The following SLC66A3 variants were observed in gnomAD, a reference collection of about 807,000 sequenced individuals.
SLC66A3 encodes the protein PQ loop repeat containing 3.
SLC66A3 carries 23 observed loss-of-function variants against 25.5 expected under a neutral mutation model. The ratio of observed to expected loss-of-function variants is 0.90; its 90% CI spans 0.65 to 1.28. The LOEUF (loss-of-function observed/expected upper bound fraction) is 1.28, where lower values mean the gene tolerates loss of function less well. Ranked by LOEUF, SLC66A3 falls within the 50% of genes most tolerant of loss-of-function variation. The pLI is 0.00. For synonymous variants in SLC66A3, 108 were observed against 112.6 expected (o/e 0.96, Z 0.26); for missense variants, 246 against 262.1 (o/e 0.94, Z 0.42).
intron 4 of SLC66A3, among the ~76,000 whole-genome samples, chr2:11,164,951 A>G (rs866340010): frequency 1.3e-5 from 2 of 152,250 alleles, no homozygotes; most frequent in Non-Finnish European, 1.5e-5. Context: ...ACACAGACAC[A>G]GCAACAATCT....
chr2:11,155,489 C>T lies in SLC66A3; in HGVS notation c.-58C>T. On this transcript the variant is annotated 5_prime_UTR_variant, in exon 1 of 7. Coordinates refer to ENST00000295083, the MANE Select transcript of SLC66A3 (RefSeq NM_152391.5). The stretch of plus-strand genomic sequence containing the variant: ...GGAAGGCTTCGGCAGAGCTGCGCCG[C>T]CGAGGCTGAGCGGTCCCTTCTCGCT... The T allele has an allele frequency of 7.0e-7, 1 of 1,427,956 alleles. No homozygotes were observed. Among genetic ancestry groups the T allele is most frequent in the Non-Finnish European group, 9.1e-7 (1 of 1,099,376 alleles). The allele number at this position is 1,427,956 out of a possible 1,614,324, so 88.5% of individuals were successfully genotyped here.
chr2:11,167,696 G>T lies in SLC66A3; in HGVS notation c.354+3435G>T, dbSNP rs184018350. Among the ~76,000 whole-genome samples the T allele has an allele frequency of 6.8e-3, 1,036 of 152,258 alleles. 4 individuals are homozygous for T. Among genetic ancestry groups the T allele is most frequent in the Non-Finnish European group, 0.011 (719 of 68,032 alleles). ...CTCACGCACCTGCTCTGAGGTACCA[G>T]GGTCCGGGGCACAAGGTGGCCCAGA... On this transcript the variant is annotated intron_variant, in intron 4 of 6. Transcript: ENST00000295083.
chr2:11,164,615 G>C lies in SLC66A3; in HGVS notation c.354+354G>C, dbSNP rs538942322. 7.9e-5 allele frequency among the ~76,000 whole-genome samples: 12 copies of C among 151,072 alleles called. No homozygotes were observed. The South Asian group carries it at 2.5e-3, about 32-fold the overall frequency. ...GATTTGGCAGGGTCACAGGACAATA[G>C]TGGAGGGAAGGTCAGCAGATAAACA... On this transcript the variant is annotated intron_variant, in intron 4 of 6. Transcript: ENST00000295083.
chr2:11,163,541 C>T lies in SLC66A3; in HGVS notation c.297-663C>T, dbSNP rs1662198321. Among the ~76,000 whole-genome samples the T allele has an allele frequency of 4.6e-5, 7 of 152,300 alleles. No individual in the cohort carries two copies. In the South Asian group the frequency reaches 1.5e-3, roughly 32 times the overall value. ...CAGTCTCTTGAGTCGGTGCTACGTG[C>T]TTGTAGGCATTTTACAGATAAGCAA... On this transcript the variant is annotated intron_variant, in intron 3 of 6. Coordinates refer to ENST00000295083, the MANE Select transcript of SLC66A3 (RefSeq NM_152391.5).
intron 6 of SLC66A3, 150 bp downstream of exon 6, chr2:11,175,159 G>GTC (rs1041914249): frequency 5.1e-6 from 3 of 586,692 alleles, no homozygotes; most frequent in Non-Finnish European, 8.9e-6. Context: ...AGTCTTATTG[G>GTC]TCACCATTTT....
intron 4 of SLC66A3, among the ~76,000 whole-genome samples, chr2:11,168,274 CTCTG>C (rs1234324296): frequency 1.1e-4 from 16 of 150,394 alleles, no homozygotes; most frequent in Admixed American, 9.3e-4. Flanking sequence ...GACAGCAAGA[CTCTG>C]TCTGAAAAAA....
At position 11,164,345 on chromosome 2, in the gene SLC66A3, A is replaced by ATATAT; in HGVS notation, c.354+85_354+86insATATT. On this transcript the variant is annotated intron_variant, in intron 4 of 6. Transcript: ENST00000295083. ...TAGATATTTATATATATATATATAT[A>ATATAT]TTTTTTTTTTTTTGAAATGGAGTTT... 188 of 92,776 alleles carry ATATAT rather than the reference A, an allele frequency of 2.0e-3. 4 individuals carry two copies. Among genetic ancestry groups the ATATAT allele is most frequent in the Middle Eastern group, 0.015 (3 of 200 alleles). 5.7% of individuals were successfully genotyped at this position (92,776 alleles called of 1,614,324 possible).
rs772295244 is a variant in SLC66A3, at chr2:11,160,510, C to T, written c.188C>T (p.Pro63Leu). ...TACCAGTGTTACTATGGGTATCCGC[C>T]GCTGACCTACCTGGAGTACCCCATC... is the stretch of plus-strand genomic sequence containing the variant. ...LRYQCYYGYP[P>L]LTYLEYPILI... The change falls in exon 2 of 7, where the codon CCG becomes CTG. Residue 63 changes from proline to leucine, a missense_variant. Pro to Leu is a moderately conservative substitution (Grantham distance 98). Coordinates refer to ENST00000295083, the MANE Select transcript of SLC66A3 (RefSeq NM_152391.5). The T allele has an allele frequency of 7.4e-6, 12 of 1,614,020 alleles. No individual in the cohort carries two copies. Among genetic ancestry groups the T allele is most frequent in the South Asian group, 2.2e-5 (2 of 91,082 alleles).
Position 11,172,011 on chromosome 2 carries a change from G to A in SLC66A3, c.441G>A (p.Ala147=), listed in dbSNP as rs1449358491. The change falls in exon 5 of 7, where the codon GCG becomes GCA. Residue 147 remains alanine (A), a synonymous_variant. Transcript: ENST00000295083. ...WKTRDSGTVS[A]LTWSLSSYTC... is the part of the protein sequence containing the mutation. ...CGAGAGACTCAGGAACTGTGAGTGCGCTGACTTGGAGCCTCTCTTCCTATA... is the reference window on the plus strand; with the variant it reads ...CGAGAGACTCAGGAACTGTGAGTGCACTGACTTGGAGCCTCTCTTCCTATA... 43 of 1,613,878 alleles carry A rather than the reference G, an allele frequency of 2.7e-5. No individual in the cohort carries two copies. The highest frequency in any genetic ancestry group is 2.9e-5 in the Non-Finnish European group (34 of 1,179,920).
rs74936074 is a variant in SLC66A3, at chr2:11,158,894, G to A, written c.144-1572G>A. Among the ~76,000 whole-genome samples the A allele has an allele frequency of 2.2e-3, 332 of 152,324 alleles. 3 individuals are homozygous for A. The highest frequency in any genetic ancestry group is 7.7e-3 in the African/African-American group (320 of 41,572). On this transcript the variant is annotated intron_variant, in intron 1 of 6. Transcript: ENST00000295083. ...CCTCCCCAGGCTGCAGGGATGGGGG[G>A]AGTTTGAATCCCAGGGAAAGCAGGG... is the stretch of plus-strand genomic sequence containing the variant.
intron 5 of SLC66A3, among the ~76,000 whole-genome samples, chr2:11,173,956 TTTA>T (rs771727349): frequency 6.6e-6 from 1 of 152,144 alleles, no homozygotes; most frequent in Non-Finnish European, 1.5e-5. Context: ...TTCGAAAACA[TTTA>T]TTGTTTGTTT....
chr2:11,171,864 G>A, intron 4 of SLC66A3, 61 bp from the exon 5 acceptor site: 1 of 1,594,854 alleles, frequency 6.3e-7, no homozygotes, highest in Non-Finnish European at 8.6e-7. Flanking sequence ...CACCGCACCT[G>A]GCCTCTTTTG....
At position 11,164,345 on chromosome 2, in the gene SLC66A3, A is replaced by ATATATATATATAT; in HGVS notation, c.354+85_354+86insATATATATATATT. 4.7e-4 allele frequency: 44 copies of ATATATATATATAT among 92,806 alleles called. 1 individual carries two copies. Among genetic ancestry groups the ATATATATATATAT allele is most frequent in the African/African-American group, 5.5e-4 (12 of 21,754 alleles). The allele number at this position is 92,806 out of a possible 1,614,324, so 5.7% of individuals were successfully genotyped here. A position where few individuals can be genotyped will look rare whatever the true frequency, so the allele number is the denominator to read the frequency against. On this transcript the variant is annotated intron_variant, in intron 4 of 6. Coordinates refer to ENST00000295083, the MANE Select transcript of SLC66A3 (RefSeq NM_152391.5). ...TAGATATTTATATATATATATATAT[A>ATATATATATATAT]TTTTTTTTTTTTTGAAATGGAGTTT...
chr2:11,171,979 T>G lies in SLC66A3; in HGVS notation c.409T>G (p.Trp137Gly). Residue 137 changes from tryptophan to glycine, a missense_variant, in exon 5 of 7, where the codon TGG becomes GGG. Trp to Gly is a radical substitution (Grantham distance 184, BLOSUM62 -2). Transcript: ENST00000295083. ...ASKFAQLQCL[W>G]KTRDSGTVSA... is the part of the protein sequence containing the mutation. ...TAAGTTTGCACAGCTCCAGTGTCTG[T>G]GGAAGACGAGAGACTCAGGAACTGT... 1 of 1,614,098 alleles carries G rather than the reference T, an allele frequency of 6.2e-7. No individual in the cohort carries two copies. The highest frequency in any genetic ancestry group is 8.5e-7 in the Non-Finnish European group (1 of 1,179,948).
chr2:11,173,942 G>C (rs1285374209), intron 5 of SLC66A3, among the ~76,000 whole-genome samples: 1 of 152,190 alleles, frequency 6.6e-6, no homozygotes, highest in Non-Finnish European at 1.5e-5. Context: ...ATAGAAACCA[G>C]TGATTCGAAA....
chr2:11,157,311 C>T (rs983842423), intron 1 of SLC66A3, among the ~76,000 whole-genome samples: 6 of 152,236 alleles, frequency 3.9e-5, no homozygotes, highest in African/African-American at 1.4e-4. Flanking sequence ...GCTGGCCTGT[C>T]TAAGGGTCTT....
chr2:11,175,451 C>T (rs1310568194), intron 6 of SLC66A3, among the ~76,000 whole-genome samples: 1 of 152,190 alleles, frequency 6.6e-6, no homozygotes, highest in Non-Finnish European at 1.5e-5. Flanking sequence ...GGGCGGAGGC[C>T]AGACTCTTAA....
chr2:11,160,888 G>A, intron 3 of SLC66A3, 194 bp downstream of exon 3: 1 of 903,202 alleles, frequency 1.1e-6, no homozygotes. Flanking sequence ...GCTCCTCCGA[G>A]ACCAGCATGC....
intron 4 of SLC66A3, among the ~76,000 whole-genome samples, chr2:11,167,637 C>T (rs1406844427): frequency 1.3e-5 from 2 of 152,102 alleles, no homozygotes; most frequent in South Asian, 2.1e-4. Flanking sequence ...CTGTGTCTGC[C>T]CATAGCCCTC....
Sources: gnomAD v4.1 joint callset for allele counts (sites outside exome capture counted in the v4.1 genomes callset) on GRCh38, gnomAD v4.1.1 for gene constraint, MANE v1.5 for transcripts, NCBI Gene and HGNC (gene_info 2026-07-23, HGNC 2026-07-21) for gene names.